The following HBP1 variants were observed in gnomAD, a reference collection of about 807,000 sequenced individuals.
HBP1 encodes HMG box-containing protein 1.
Under a neutral mutation model 62.6 loss-of-function variants are expected in HBP1, and 20 were observed. The ratio of observed to expected loss-of-function variants is 0.32; its 90% CI spans 0.22 to 0.46. The LOEUF is 0.46. HBP1 is among the 20% of genes least tolerant of loss of function. The pLI, the probability that HBP1 is intolerant of heterozygous loss-of-function variation, is 1.00. For missense variants in HBP1, 480 were observed against 611.8 expected, an observed-to-expected ratio of 0.78 and a Z score of 2.27; for synonymous variants, 232 against 206.2, an observed-to-expected ratio of 1.12 and a Z score of -1.07.
chr7:107,180,708 GATGAA>G (rs1263936990), intron 2 of HBP1, among the ~76,000 whole-genome samples: 1 of 152,160 alleles, frequency 6.6e-6, no homozygotes, highest in Admixed American at 6.5e-5. Flanking sequence ...TTTTACAAAT[GATGAA>G]ATGGAGGAGA....
chr7:107,202,275 T>C lies in HBP1; in HGVS notation c.*844T>C, dbSNP rs1798386964. On this transcript the variant is annotated 3_prime_UTR_variant, in exon 11 of 11. Coordinates refer to ENST00000222574, the MANE Select transcript of HBP1 (RefSeq NM_012257.4). Reference sequence around the variant, plus strand: ...GGGGCAGACTTTGCACTTACTGCAGTGCAACACTTGCACTTTAATTTTCCT... The same window carrying C: ...GGGGCAGACTTTGCACTTACTGCAGCGCAACACTTGCACTTTAATTTTCCT... 2.0e-5 allele frequency: 3 copies of C among 152,662 alleles called. No homozygotes were observed. Among genetic ancestry groups the C allele is most frequent in the Non-Finnish European group, 4.4e-5 (3 of 68,042 alleles). The allele number at this position is 152,662 out of a possible 1,614,324, so 9.5% of individuals were successfully genotyped here. A position where few individuals can be genotyped will look rare whatever the true frequency, so the allele number is the denominator to read the frequency against.
At chr7:107,190,950 A>G (rs1478263902) in intron 8 of HBP1, among the ~76,000 whole-genome samples, 1 of 152,204 alleles carries the variant, frequency 6.6e-6, no homozygotes, top group East Asian at 1.9e-4. Flanking sequence ...TTTTGCACTG[A>G]AAGTCTAGCT....
chr7:107,189,119 CTA>C (rs1797526434), intron 6 of HBP1, among the ~76,000 whole-genome samples, 171 bp from the exon 7 acceptor site: 1 of 152,146 alleles, frequency 6.6e-6, no homozygotes, highest in South Asian at 2.1e-4. Flanking sequence ...TTATTCCAGT[CTA>C]GTTATTTATA....
In HBP1 at chr7:107,171,071, A is replaced by ATTTTTTTTTTTTTTTTT. The variant is rs1160740045; in HGVS notation, c.-16+1887_-16+1888insTTTTTTTTTTTTTTTTT. 2.8e-4 allele frequency among the ~76,000 whole-genome samples: 24 copies of ATTTTTTTTTTTTTTTTT among 84,298 alleles called. 4 individuals are homozygous for ATTTTTTTTTTTTTTTTT. Among genetic ancestry groups the ATTTTTTTTTTTTTTTTT allele is most frequent in the African/African-American group, 1.9e-3 (23 of 12,242 alleles). The allele number at this position is 84,298 out of a possible 152,430, so 55.3% of individuals were successfully genotyped here. A position where few individuals can be genotyped will look rare whatever the true frequency, so the allele number is the denominator to read the frequency against. On this transcript the variant is annotated intron_variant, in intron 1 of 10. Transcript: ENST00000222574. ...AATATATATATATATATATATATAT[A>ATTTTTTTTTTTTTTTTT]TATTTTTTTTTTTTTTTGAGAGGGA...
chr7:107,189,195 T>A, intron 6 of HBP1, 97 bp from the exon 7 acceptor site: 1 of 1,039,788 alleles, frequency 9.6e-7, no homozygotes, highest in Non-Finnish European at 1.4e-6. Context: ...GTCTTGGTTA[T>A]TTTTACCTTT....
intron 8 of HBP1, among the ~76,000 whole-genome samples, chr7:107,193,797 G>T (rs374567650): frequency 6.6e-6 from 1 of 152,162 alleles, no homozygotes; most frequent in East Asian, 1.9e-4. Context: ...GGACTGCCTG[G>T]ATTCAAATCC....
chr7:107,172,510 AT>A, intron 1 of HBP1, among the ~76,000 whole-genome samples: 1 of 152,064 alleles, frequency 6.6e-6, no homozygotes, highest in African/African-American at 2.4e-5. Flanking sequence ...TATGTGACTT[AT>A]CTTATATGAC....
Position 107,185,884 on chromosome 7 carries a change from G to C in HBP1, c.482G>C (p.Ser161Thr). ...CCACCAGTGTCCTCTTCTTCGAAGA[G>C]TGAACCAGCCTTCCCTCATCACCAT... ...RPPPVSSSSK[S>T]EPAFPHHHWK... The change falls in exon 4 of 11, where the codon AGT (serine) becomes ACT (threonine). Residue 161 changes from serine to threonine, a missense_variant. Physicochemically the swap from Ser to Thr is moderately conservative, Grantham distance 58. Coordinates refer to ENST00000222574, the MANE Select transcript of HBP1 (RefSeq NM_012257.4). 6.2e-7 allele frequency: 1 copy of C among 1,613,380 alleles called. No individual in the cohort carries two copies. The highest frequency in any genetic ancestry group is 8.5e-7 in the Non-Finnish European group (1 of 1,179,292).
intron 3 of HBP1, among the ~76,000 whole-genome samples, chr7:107,184,692 A>G (rs1797271435): frequency 6.6e-6 from 1 of 152,122 alleles, no homozygotes; most frequent in Admixed American, 6.5e-5. Flanking sequence ...TTGTATTTTA[A>G]GTAGAGATGG....
At chr7:107,200,041 G>C in intron 9 of HBP1, 119 bp from the exon 10 acceptor site, 1 of 759,812 alleles carries the variant, frequency 1.3e-6, no homozygotes, top group Non-Finnish European at 2.0e-6. Context: ...TCCCATCTCT[G>C]TGATAGACAA....
At chr7:107,201,384 C>A in intron 10 of HBP1, 30 bp from the exon 11 acceptor site, 3 of 1,460,122 alleles carry the variant, frequency 2.1e-6, no homozygotes, top group Non-Finnish European at 1.9e-6. Context: ...GATTTGTAAA[C>A]ATTCACTGAG....
intron 6 of HBP1, 85 bp from the exon 7 acceptor site, chr7:107,189,207 C>T (rs1584494023): frequency 8.7e-7 from 1 of 1,155,516 alleles, no homozygotes; most frequent in South Asian, 1.6e-5. Context: ...TTTACCTTTT[C>T]CACAAAGTCT....
chr7:107,178,413 A>T (rs1427398061), intron 1 of HBP1, among the ~76,000 whole-genome samples: 1 of 147,582 alleles, frequency 6.8e-6, no homozygotes, highest in Non-Finnish European at 1.5e-5. Context: ...ATCGTTGTCC[A>T]AAGGGTGAAA....
intron 9 of HBP1, among the ~76,000 whole-genome samples, chr7:107,199,307 C>T (rs1468210068): frequency 6.6e-6 from 1 of 152,152 alleles, no homozygotes; most frequent in African/African-American, 2.4e-5. Context: ...GTCTTGAACT[C>T]GTGGCCTCAA....
chr7:107,193,251 A>C (rs1797738416), intron 8 of HBP1: 1 of 152,142 alleles, frequency 6.6e-6, no homozygotes. Flanking sequence ...ATATAATGTT[A>C]ATTTATTTAA....
rs1487404762 is a variant in HBP1 at position 107,185,864 on chromosome 7, A to G, written c.462A>G (p.Pro154=). ...KSLHSYARPP[P]VSSSSKSEPA... is the part of the protein sequence containing the mutation. The stretch of plus-strand genomic sequence containing the variant: ...TACATTCCTATGCACGCCCTCCACC[A>G]GTGTCCTCTTCTTCGAAGAGTGAAC... The change falls in exon 4 of 11, where the codon CCA becomes CCG. Residue 154 remains proline (P), a synonymous_variant. Coordinates refer to ENST00000222574, the MANE Select transcript of HBP1 (RefSeq NM_012257.4). The G allele has an allele frequency of 1.2e-6, 2 of 1,612,444 alleles. No individual in the cohort carries two copies. The highest frequency in any genetic ancestry group is 2.2e-5 in the East Asian group (1 of 44,878).
intron 10 of HBP1, 163 bp downstream of exon 10, chr7:107,200,464 C>T (rs1339638807): frequency 2.2e-6 from 1 of 463,586 alleles, no homozygotes; most frequent in Non-Finnish European, 3.7e-6. Flanking sequence ...CATATAAAGA[C>T]TGCCTTTCCT....
intron 3 of HBP1, 46 bp from the exon 4 acceptor site, chr7:107,185,755 A>G: frequency 1.3e-6 from 2 of 1,519,870 alleles, no homozygotes; most frequent in Non-Finnish European, 1.8e-6. Flanking sequence ...GGAAAGATCT[A>G]CTTTAAGGAC....
chr7:107,190,297 T>G lies in HBP1; in HGVS notation c.1047T>G (p.Gly349=). ...ATGCCATTAATTTTGATGATTCAGG[T>G]GTTTTTGATACATTTAAAAGGTAAT... ...HPDAINFDDS[G]VFDTFKSYDF... Residue 349 remains glycine (G), a synonymous_variant, in exon 8 of 11, where the codon GGT becomes GGG. Coordinates refer to ENST00000222574, the MANE Select transcript of HBP1 (RefSeq NM_012257.4). The G allele has an allele frequency of 1.2e-6, 2 of 1,609,636 alleles. No individual in the cohort carries two copies. Among genetic ancestry groups the G allele is most frequent in the Non-Finnish European group, 1.7e-6 (2 of 1,177,032 alleles).
Sources: allele counts gnomAD v4.1 joint callset (sites outside exome capture counted in the v4.1 genomes callset), GRCh38; gene constraint gnomAD v4.1.1; transcripts MANE v1.5; gene names NCBI Gene and HGNC (gene_info 2026-07-23, HGNC 2026-07-21).